Variants in RRBP1 observed in about 807,000 individuals in gnomAD.
RRBP1 encodes the protein ribosome binding protein 1.
In RRBP1, 94 loss-of-function variants were observed where a neutral mutation model predicts 165.2. The observed-to-expected ratio is 0.57, with a 90% CI of 0.48 to 0.68. The LOEUF (loss-of-function observed/expected upper bound fraction) is 0.68, where lower values mean the gene tolerates loss of function less well. Among genes scored for constraint, RRBP1 ranks in the 30% least tolerant of loss-of-function variants. The pLI, the probability that RRBP1 is intolerant of heterozygous loss-of-function variation, is 0.00. For synonymous variants in RRBP1, 680 were observed against 714.5 expected (o/e 0.95, Z 0.77); for missense variants, 1,676 against 1,763.0 (o/e 0.95, Z 0.88).
chr20:17,617,218 G>A (rs1031783032), intron 20 of RRBP1, among the ~76,000 whole-genome samples: 2 of 152,240 alleles, frequency 1.3e-5, no homozygotes, highest in Admixed American at 1.3e-4. Context: ...CCACTGCTCA[G>A]AGCCCTTTCC....
rs201048785 is a variant in RRBP1 at position 17,659,368 on chromosome 20, T to C, written c.1140A>G (p.Lys380=). ...CCTGGTTCTGAGCCCCCTCGGCCTT[T>C]TTGCCCTGGTTCTGAGCCCCCTCAG... is the stretch of plus-strand genomic sequence containing the variant. ...KKAEGAQNQG[K]KAEGAQNQGK... is the part of the protein sequence containing the mutation. The change falls in exon 3 of 25, where the codon AAA becomes AAG. Residue 380 remains lysine, a synonymous_variant. Coordinates refer to ENST00000377813, the MANE Select transcript of RRBP1 (RefSeq NM_001365613.2). The C allele has an allele frequency of 1.6e-3, 2,275 of 1,443,558 alleles. 9 individuals carry two copies. Among genetic ancestry groups the C allele is most frequent in the Middle Eastern group, 3.6e-3 (20 of 5,582 alleles). The allele number at this position is 1,443,558 out of a possible 1,614,324, so 89.4% of individuals were successfully genotyped here. A position where few individuals can be genotyped will look rare whatever the true frequency, so the allele number is the denominator to read the frequency against.
intron 2 of RRBP1, among the ~76,000 whole-genome samples, chr20:17,666,675 A>G (rs1206548466): frequency 6.6e-6 from 1 of 152,218 alleles, no homozygotes; most frequent in Non-Finnish European, 1.5e-5. Context: ...GCTGGCTGAG[A>G]ACTCTGATGC....
chr20:17,618,400 C>A (rs1239608962), intron 20 of RRBP1, among the ~76,000 whole-genome samples, 196 bp downstream of exon 20: 1 of 152,204 alleles, frequency 6.6e-6, no homozygotes, highest in Non-Finnish European at 1.5e-5. Context: ...TCCCAACAGC[C>A]ACAGGCCCAG....
chr20:17,668,675 C>T (rs1264757007), intron 2 of RRBP1, among the ~76,000 whole-genome samples: 3 of 152,252 alleles, frequency 2.0e-5, no homozygotes, highest in South Asian at 2.1e-4. Flanking sequence ...ATGGAGGGTA[C>T]AGCCCTTCAA....
chr20:17,681,274 C>T (rs1316546203), intron 1 of RRBP1, among the ~76,000 whole-genome samples: 2 of 148,544 alleles, frequency 1.3e-5, no homozygotes, highest in African/African-American at 4.9e-5. Context: ...CGCAGCCCAG[C>T]CGGGGAAACG....
rs150611498 is a variant in RRBP1, at chr20:17,633,566, C to T, written c.2504G>A (p.Ser835Asn). The part of the protein sequence containing the change: ...AKLRQELSKV[S>N]KELVEKSEAV... ...CTCTGACTTCTCCACCAGCTCTTTG[C>T]TGACCTTGCTGAGCTCCTGCCGAAG... The change falls in exon 8 of 25, where the codon AGC becomes AAC. Residue 835 changes from serine to asparagine, a missense_variant. Physicochemically the swap from Ser to Asn is conservative, Grantham distance 46. Coordinates refer to ENST00000377813, the MANE Select transcript of RRBP1 (RefSeq NM_001365613.2). 46 of 1,613,960 alleles carry T rather than the reference C, an allele frequency of 2.9e-5. No homozygotes were observed. The African/African-American group carries it at 5.5e-4, about 19-fold the overall frequency.
intron 22 of RRBP1, 66 bp downstream of exon 22, chr20:17,615,860 C>T: frequency 7.1e-7 from 1 of 1,409,210 alleles, no homozygotes. Context: ...GGCTGACCCA[C>T]TCATTCCCTG....
intron 1 of RRBP1, among the ~76,000 whole-genome samples, 179 bp downstream of exon 1, chr20:17,681,849 C>T (rs1252861836): frequency 2.1e-5 from 3 of 145,890 alleles, no homozygotes; most frequent in African/African-American, 4.9e-5. Flanking sequence ...GGCACCCCCG[C>T]CCCGAGTCCG....
At chr20:17,649,020 C>T (rs2036511970) in intron 3 of RRBP1, among the ~76,000 whole-genome samples, 1 of 152,192 alleles carries the variant, frequency 6.6e-6, no homozygotes, top group Admixed American at 6.5e-5. Context: ...AAAGAGATTT[C>T]TGGAAGAGTG....
At chr20:17,626,259 T>G (rs1377303942) in intron 11 of RRBP1, among the ~76,000 whole-genome samples, 1 of 152,200 alleles carries the variant, frequency 6.6e-6, no homozygotes, top group Non-Finnish European at 1.5e-5. Flanking sequence ...AGTAATATGC[T>G]GTGTGGCCCA....
chr20:17,633,660 G>A, intron 7 of RRBP1, 47 bp from the exon 8 acceptor site: 2 of 1,596,366 alleles, frequency 1.3e-6, no homozygotes, highest in Non-Finnish European at 1.7e-6. Flanking sequence ...AAGGGTGATG[G>A]GATCGGTGGT....
intron 3 of RRBP1, among the ~76,000 whole-genome samples, chr20:17,652,685 AG>A (rs1197570814): frequency 1.3e-5 from 2 of 152,156 alleles, no homozygotes; most frequent in African/African-American, 4.8e-5. Flanking sequence ...TGGAGTGGGC[AG>A]GCCCCAGACT....
chr20:17,666,412 C>T (rs1057086723), intron 2 of RRBP1, among the ~76,000 whole-genome samples: 6 of 152,054 alleles, frequency 3.9e-5, no homozygotes, highest in African/African-American at 9.7e-5. Flanking sequence ...AAGTCTTACA[C>T]GTTGTTTTGT....
chr20:17,629,207 G>A lies in RRBP1; in HGVS notation c.2749+616C>T, dbSNP rs113337496. On this transcript the variant is annotated intron_variant, in intron 9 of 24. Coordinates refer to ENST00000377813, the MANE Select transcript of RRBP1 (RefSeq NM_001365613.2). ...CAGTCCAGCCCAGCCCGGCACCCAC[G>A]GCAGTGCTTGGCCTGGGGAGGGGCT... is the stretch of plus-strand genomic sequence containing the variant. Among the ~76,000 whole-genome samples the A allele has an allele frequency of 8.3e-3, 1,260 of 152,326 alleles. 15 individuals carry two copies. Among genetic ancestry groups the A allele is most frequent in the African/African-American group, 0.029 (1,199 of 41,564 alleles).
At position 17,641,618 on chromosome 20, in the gene RRBP1, C is replaced by T. The variant is rs529013338; in HGVS notation, c.2184+179G>A. 2.3e-5 allele frequency: 17 copies of T among 729,538 alleles called. No individual in the cohort carries two copies. The Admixed American group carries it at 2.3e-4, about 10-fold the overall frequency. The allele number at this position is 729,538 out of a possible 1,614,324, so 45.2% of individuals were successfully genotyped here. A position where few individuals can be genotyped will look rare whatever the true frequency, so the allele number is the denominator to read the frequency against. On this transcript the variant is annotated intron_variant, in intron 5 of 24. Coordinates refer to ENST00000377813, the MANE Select transcript of RRBP1 (RefSeq NM_001365613.2). ...AGCCACGAGCACTGCCAAGGGTGAG[C>T]TGCCGGCCCTTGGCTCTTTAGGCAG...
rs372937408 is a variant in RRBP1 at position 17,658,695 on chromosome 20, C to G, written c.1813G>C (p.Val605Leu). 6.2e-7 allele frequency: 1 copy of G among 1,614,270 alleles called. No individual in the cohort carries two copies. The highest frequency in any genetic ancestry group is 2.2e-5 in the East Asian group (1 of 44,884). ...GCCACATCTGTATTTCTGCCCTGGA[C>G]AGAAGCTGACTCTGTCTTTTTACCC... ...NQGKKTESAS[V>L]QGRNTDVAQS... The change falls in exon 3 of 25, where the codon GTC (valine) becomes CTC (leucine). Residue 605 changes from valine (V) to leucine (L), a missense_variant. Val to Leu is a conservative substitution (Grantham distance 32). Coordinates refer to ENST00000377813, the MANE Select transcript of RRBP1 (RefSeq NM_001365613.2).
chr20:17,614,739 C>T lies in RRBP1; in HGVS notation c.4192G>A (p.Ala1398Thr), dbSNP rs764664194. The T allele has an allele frequency of 6.2e-7, 1 of 1,611,954 alleles. No individual in the cohort carries two copies. Among genetic ancestry groups the T allele is most frequent in the Admixed American group, 1.7e-5 (1 of 60,026 alleles). Residue 1398 changes from alanine (A) to threonine (T), a missense_variant and splice_region_variant, in exon 24 of 25, where the codon GCA (alanine) becomes ACA (threonine). Transcript: ENST00000377813. Reference protein sequence around the residue: ...VKKLQEQLEKAEDGSSSKEGT... With the variant: ...VKKLQEQLEKTEDGSSSKEGT... The stretch of plus-strand genomic sequence containing the variant: ...CTGCTTTGGCGCCAGGCACGCACTG[C>T]CTTTTCCAGCTGTTCCTGCAGCTTC...
Position 17,614,220 on chromosome 20 carries a change from C to T in RRBP1, c.4195G>A (p.Glu1399Lys). The T allele has an allele frequency of 6.2e-7, 1 of 1,613,526 alleles. No homozygotes were observed. Among genetic ancestry groups the T allele is most frequent in the Non-Finnish European group, 8.5e-7 (1 of 1,179,958 alleles). ...KKLQEQLEKAEDGSSSKEGTS... is the reference protein window; with the variant it reads ...KKLQEQLEKAKDGSSSKEGTS... ...CCCTCCTTTGAGCTGCTGCCGTCCT[C>T]CTGTGAACGAAGGCAGGTGGCGTGA... The change falls in exon 25 of 25, where the codon GAG (glutamate) becomes AAG (lysine). Residue 1399 changes from glutamate (E) to lysine (K), a missense_variant and splice_region_variant. Around this residue, in one of 5 missense-constraint regions of RRBP1, gnomAD observed 1,184 missense variants for 1,167.1 expected, o/e 1.01. Transcript: ENST00000377813.
intron 1 of RRBP1, among the ~76,000 whole-genome samples, chr20:17,681,681 A>G (rs537821682): frequency 6.7e-6 from 1 of 149,128 alleles, no homozygotes; most frequent in Non-Finnish European, 1.5e-5. Flanking sequence ...CCAACTTCGG[A>G]GCGCGCTGGC....
Sources: allele counts gnomAD v4.1 joint callset (sites outside exome capture counted in the v4.1 genomes callset), GRCh38; gene constraint gnomAD v4.1.1; regional missense constraint gnomAD v4.1.1; transcripts MANE v1.5; gene names NCBI Gene and HGNC (gene_info 2026-07-23, HGNC 2026-07-21).